The following DYNC2I1 variants were observed in gnomAD, a reference collection of about 807,000 sequenced individuals.
DYNC2I1 encodes the protein cytoplasmic dynein 2 intermediate chain 1.
A neutral mutation model predicts 133.4 loss-of-function variants in DYNC2I1; 89 were observed. That is an observed-to-expected ratio of 0.67 (90% CI 0.56 to 0.80). The LOEUF (loss-of-function observed/expected upper bound fraction) is 0.80. DYNC2I1 is among the 30% of genes least tolerant of loss of function. DYNC2I1 has a pLI of 0.00. For synonymous variants in DYNC2I1, 504 were observed against 484.3 expected (o/e 1.04, Z -0.54); for missense variants, 1,291 against 1,314.5 (o/e 0.98, Z 0.28).
intron 14 of DYNC2I1, among the ~76,000 whole-genome samples, chr7:158,916,911 G>C (rs1848401837): frequency 1.2e-5 from 1 of 85,092 alleles, no homozygotes; most frequent in African/African-American, 4.1e-5. Context: ...CACGGTGGTT[G>C]AGATTAAGGA....
At chr7:158,893,097 A>G (rs1221250478) in intron 8 of DYNC2I1, among the ~76,000 whole-genome samples, 1 of 152,060 alleles carries the variant, frequency 6.6e-6, no homozygotes, top group Non-Finnish European at 1.5e-5. Context: ...TATCATCCGA[A>G]GTCCAAGATT....
At chr7:158,848,469 A>T in the DYNC2I1 span, among the ~76,000 whole-genome samples, 3 of 152,226 alleles carry the variant, frequency 2.0e-5, no homozygotes, top group African/African-American at 7.2e-5. Flanking sequence ...TTAATTAAAC[A>T]TTAGGGCAAT....
intron 1 of DYNC2I1, among the ~76,000 whole-genome samples, chr7:158,863,165 C>T (rs1266464899): frequency 6.6e-6 from 1 of 151,594 alleles, no homozygotes; most frequent in Admixed American, 6.6e-5. Flanking sequence ...TTGGCCCTGC[C>T]CACATCGTGG....
downstream of DYNC2I1, among the ~76,000 whole-genome samples, chr7:158,949,615 G>A (rs998902862): frequency 1.4e-5 from 2 of 143,044 alleles, no homozygotes; most frequent in African/African-American, 5.1e-5. Flanking sequence ...CCGCACAGAC[G>A]GCGCAGTTCA....
intron 4 of DYNC2I1, chr7:158,956,526 G>A (rs1365924476): frequency 1.3e-5 from 2 of 152,418 alleles, no homozygotes; most frequent in African/African-American, 4.8e-5. Context: ...GAACCTTCCG[G>A]AAGCCAGGAC....
intron 8 of DYNC2I1, among the ~76,000 whole-genome samples, chr7:158,896,366 G>C (rs1485833422): frequency 6.6e-6 from 1 of 152,070 alleles, no homozygotes; most frequent in Admixed American, 6.6e-5. Context: ...TTCTCTTTTA[G>C]CCTGTTGATT....
chr7:158,942,183 T>TG (rs759714104), intron 24 of DYNC2I1, 35 bp downstream of exon 24: 173 of 1,486,058 alleles, frequency 1.2e-4, no homozygotes, highest in East Asian at 3.3e-4. Context: ...CTGCTGGTTG[T>TG]GGGGGGGCTT....
chr7:158,907,048 G>T (rs1189392094), intron 11 of DYNC2I1, among the ~76,000 whole-genome samples: 5 of 151,844 alleles, frequency 3.3e-5, no homozygotes, highest in Non-Finnish European at 7.4e-5. Context: ...CTGAGAGGTC[G>T]AGGCCGCACT....
chr7:158,915,277 G>A (rs1237783138), intron 14 of DYNC2I1, among the ~76,000 whole-genome samples: 38 of 144,032 alleles, frequency 2.6e-4, no homozygotes, highest in Non-Finnish European at 4.6e-4. Flanking sequence ...ACCTCGACAC[G>A]GTGGTTGAGA....
chr7:158,861,887 C>A (rs1841896690), intron 1 of DYNC2I1, among the ~76,000 whole-genome samples: 1 of 152,212 alleles, frequency 6.6e-6, no homozygotes, highest in Admixed American at 6.5e-5. Context: ...GCGTCAGTTA[C>A]ACAGTCAAGT....
chr7:158,923,297 G>T (rs527906262), intron 16 of DYNC2I1, among the ~76,000 whole-genome samples: 1 of 152,282 alleles, frequency 6.6e-6, no homozygotes, highest in Non-Finnish European at 1.5e-5. Context: ...ACAGGCTCCC[G>T]GCAGGCTTTG....
rs1369195769 is a variant in DYNC2I1, at chr7:158,871,132, C to T, written c.70-10C>T. On this transcript the variant is annotated splice_polypyrimidine_tract_variant and intron_variant, in intron 2 of 24. Coordinates refer to ENST00000407559, the MANE Select transcript of DYNC2I1 (RefSeq NM_018051.5). ...CTGGTCACGGAGGACCCTTTGTTCT[C>T]TTGTTTCAGGCCATACAGTCAGGTG... 3.1e-6 allele frequency: 5 copies of T among 1,603,602 alleles called. No homozygotes were observed. The Admixed American group carries it at 8.7e-5, about 28-fold the overall frequency.
the DYNC2I1 span, among the ~76,000 whole-genome samples, chr7:158,848,879 C>T: frequency 2.6e-5 from 4 of 151,204 alleles, no homozygotes; most frequent in South Asian, 2.1e-4. Flanking sequence ...GCTGAGATTG[C>T]GCCACTGCAC....
At chr7:158,843,182 C>G in the DYNC2I1 span, among the ~76,000 whole-genome samples, 1 of 152,202 alleles carries the variant, frequency 6.6e-6, no homozygotes. Context: ...GCAGCGTCCA[C>G]CTCCCGGGTT....
chr7:158,845,297 G>C, the DYNC2I1 span, among the ~76,000 whole-genome samples: 8 of 152,190 alleles, frequency 5.3e-5, no homozygotes, highest in African/African-American at 9.6e-5. Context: ...TAAAGGTAAA[G>C]AGTACTCATA....
At chr7:158,923,465 C>T (rs771721103) in intron 16 of DYNC2I1, 106 bp from the exon 17 acceptor site, 42 of 1,492,944 alleles carry the variant, frequency 2.8e-5, no homozygotes, top group African/African-American at 5.5e-5. Flanking sequence ...AGGTGACTCC[C>T]GTGCAAAGTG....
chr7:158,895,151 A>G (rs1157756534), intron 8 of DYNC2I1, among the ~76,000 whole-genome samples: 1 of 152,184 alleles, frequency 6.6e-6, no homozygotes, highest in African/African-American at 2.4e-5. Context: ...TTTAATTTTT[A>G]TGAAGTCCAG....
chr7:158,922,329 G>C (rs1197610873), intron 15 of DYNC2I1, 48 bp from the exon 16 acceptor site: 1 of 1,571,222 alleles, frequency 6.4e-7, no homozygotes, highest in African/African-American at 1.4e-5. Context: ...AATTTAACTT[G>C]GATTCTGGCA....
chr7:158,932,484 A>C lies in DYNC2I1; in HGVS notation c.2547-1645A>C, dbSNP rs1265048583. ...TGCCGTGCTAAAGGGTGTGGACATT[A>C]GCATAAAGGTGGTCACGAGCTGTCA... is the stretch of plus-strand genomic sequence containing the variant. On this transcript the variant is annotated intron_variant, in intron 21 of 24. Transcript: ENST00000407559. Among the ~76,000 whole-genome samples the C allele has an allele frequency of 7.9e-5, 12 of 151,320 alleles. No homozygotes were observed. In the East Asian group the frequency reaches 2.3e-3, roughly 29 times the overall value.
Sources: allele counts gnomAD v4.1 joint callset (sites outside exome capture counted in the v4.1 genomes callset), GRCh38; gene constraint gnomAD v4.1.1; transcripts MANE v1.5; gene names NCBI Gene and HGNC (gene_info 2026-07-23, HGNC 2026-07-21).